The following RBFOX1 variants were observed in gnomAD, a reference collection of about 807,000 sequenced individuals.
RBFOX1 encodes the protein RNA binding fox-1 homolog 1.
In RBFOX1, 8 loss-of-function variants were observed where a neutral mutation model predicts 57.7. The observed-to-expected ratio is 0.14, with a 90% CI of 0.08 to 0.25. RBFOX1 has a LOEUF of 0.25. Among genes scored for constraint, RBFOX1 ranks in the 10% least tolerant of loss-of-function variants. The pLI is 1.00. For missense variants in RBFOX1, 611 were observed against 548.5 expected (o/e 1.11, Z -1.14); for synonymous variants, 326 against 222.4 (o/e 1.47, Z -4.15).
At chr16:6,864,531 C>G (rs1359528466) in intron 3 of RBFOX1, among the ~76,000 whole-genome samples, 2 of 150,056 alleles carry the variant, frequency 1.3e-5, no homozygotes, top group Non-Finnish European at 3.0e-5. Flanking sequence ...TTAAACCCCC[C>G]TATTCTCTCC....
intron 3 of RBFOX1, among the ~76,000 whole-genome samples, chr16:5,638,714 C>T (rs1424934350): frequency 1.3e-5 from 2 of 152,112 alleles, no homozygotes; most frequent in Non-Finnish European, 2.9e-5. Flanking sequence ...CCTGTCTGTC[C>T]CCACAGACAC....
intron 4 of RBFOX1, among the ~76,000 whole-genome samples, chr16:7,158,047 T>C (rs961237859): frequency 1.1e-4 from 16 of 152,248 alleles, no homozygotes; most frequent in East Asian, 5.8e-4. Flanking sequence ...AATAGTAACA[T>C]CTTGAAAAAC....
At chr16:6,726,283 A>G (rs1479713753) in intron 3 of RBFOX1, among the ~76,000 whole-genome samples, 1 of 152,228 alleles carries the variant, frequency 6.6e-6, no homozygotes, top group East Asian at 1.9e-4. Flanking sequence ...GGTTTTATGT[A>G]ACATTTCCAT....
intron 3 of RBFOX1, among the ~76,000 whole-genome samples, chr16:6,854,840 T>C (rs1009027493): frequency 7.2e-5 from 11 of 151,968 alleles, no homozygotes; most frequent in East Asian, 2.0e-4. Flanking sequence ...GTGATCCGCC[T>C]GCCTCGGCCT....
At chr16:7,474,596 A>G (rs182503143) in intron 4 of RBFOX1, among the ~76,000 whole-genome samples, 3 of 152,214 alleles carry the variant, frequency 2.0e-5, no homozygotes, top group African/African-American at 4.8e-5. Context: ...CAGGACCGCA[A>G]TTACTTTTGC....
At chr16:7,376,370 G>A (rs544080690) in intron 4 of RBFOX1, among the ~76,000 whole-genome samples, 5 of 152,080 alleles carry the variant, frequency 3.3e-5, no homozygotes, top group African/African-American at 9.7e-5. Flanking sequence ...ATGACTCAAC[G>A]CAGCATCGCC....
intron 1 of RBFOX1, among the ~76,000 whole-genome samples, chr16:6,145,883 A>G (rs1040095085): frequency 6.6e-6 from 1 of 152,140 alleles, no homozygotes; most frequent in African/African-American, 2.4e-5. Flanking sequence ...AGACTCTCTC[A>G]CTCCTGGGGC....
At chr16:6,069,582 T>G (rs1183928473) in intron 1 of RBFOX1, among the ~76,000 whole-genome samples, 1 of 152,188 alleles carries the variant, frequency 6.6e-6, no homozygotes, top group African/African-American at 2.4e-5. Flanking sequence ...CTCTTCTTTC[T>G]GGAGAATTTC....
At chr16:7,204,610 G>A (rs1368013996) in intron 4 of RBFOX1, among the ~76,000 whole-genome samples, 1 of 152,164 alleles carries the variant, frequency 6.6e-6, no homozygotes, top group African/African-American at 2.4e-5. Context: ...CGTGCCATTG[G>A]ACTTCAGCCT....
chr16:6,025,287 A>C (rs2095167983), intron 1 of RBFOX1, among the ~76,000 whole-genome samples: 2 of 152,196 alleles, frequency 1.3e-5, no homozygotes, highest in African/African-American at 2.4e-5. Flanking sequence ...CGTCTGAGAA[A>C]TTAAACTCGA....
chr16:7,323,229 G>A lies in RBFOX1; in HGVS notation c.28-194918G>A, dbSNP rs74948410. On this transcript the variant is annotated intron_variant, in intron 4 of 15. Transcript: ENST00000550418. ...ACTTGATCCCAGGAGTACCAGACCC[G>A]CCTGGCAACACAGCGAGACCCCCAT... Among the ~76,000 whole-genome samples, 1,439 of 152,196 alleles carry A rather than the reference G, an allele frequency of 9.5e-3. 19 individuals carry two copies. Among genetic ancestry groups the A allele is most frequent in the African/African-American group, 0.032 (1,349 of 41,524 alleles).
chr16:6,770,735 C>A (rs565389155), intron 3 of RBFOX1, among the ~76,000 whole-genome samples: 1 of 152,124 alleles, frequency 6.6e-6, no homozygotes, highest in African/African-American at 2.4e-5. Context: ...ATAGGCTGAG[C>A]TGTACCTGCT....
chr16:7,223,152 G>T (rs1050254211), intron 4 of RBFOX1, among the ~76,000 whole-genome samples: 2 of 152,220 alleles, frequency 1.3e-5, no homozygotes, highest in African/African-American at 4.8e-5. Context: ...AAGGGCTGAA[G>T]CGAAGGGTTG....
At chr16:6,064,807 T>C (rs1422366355) in intron 1 of RBFOX1, among the ~76,000 whole-genome samples, 2 of 152,134 alleles carry the variant, frequency 1.3e-5, no homozygotes. Flanking sequence ...TTGAATAATA[T>C]GCCCCTGGAT....
At chr16:6,732,914 C>G (rs2069044760) in intron 3 of RBFOX1, among the ~76,000 whole-genome samples, 1 of 152,132 alleles carries the variant, frequency 6.6e-6, no homozygotes, top group African/African-American at 2.4e-5. Context: ...TATTTCATGA[C>G]AAATGATGAA....
chr16:7,541,773 T>C (rs1204489781), intron 5 of RBFOX1, among the ~76,000 whole-genome samples: 1 of 152,190 alleles, frequency 6.6e-6, no homozygotes, highest in African/African-American at 2.4e-5. Context: ...GCCTGTCATG[T>C]TTTTTGAGTC....
intron 1 of RBFOX1, among the ~76,000 whole-genome samples, chr16:5,390,227 A>G (rs2066367068): frequency 6.6e-6 from 1 of 151,666 alleles, no homozygotes; most frequent in African/African-American, 2.4e-5. Context: ...ATGATATGCT[A>G]TTTTATAAAA....
At chr16:6,180,520 C>G (rs1243839631) in intron 1 of RBFOX1, among the ~76,000 whole-genome samples, 1 of 141,066 alleles carries the variant, frequency 7.1e-6, no homozygotes, top group Non-Finnish European at 1.5e-5. Flanking sequence ...TTTTTTTTTT[C>G]TTGGTCATTC....
At chr16:5,841,451 T>C (rs2056622966) in intron 3 of RBFOX1, among the ~76,000 whole-genome samples, 2 of 152,316 alleles carry the variant, frequency 1.3e-5, no homozygotes, top group Non-Finnish European at 2.9e-5. Context: ...CCCAAGAGAA[T>C]AATTTCCTCA....
Sources: gnomAD v4.1 joint callset for allele counts (sites outside exome capture counted in the v4.1 genomes callset) on GRCh38, gnomAD v4.1.1 for gene constraint, MANE v1.5 for transcripts, NCBI Gene and HGNC (gene_info 2026-07-23, HGNC 2026-07-21) for gene names.